The following TLL1 variants were observed in gnomAD, a reference collection of about 807,000 sequenced individuals.
The protein encoded by TLL1 is tolloid like 1, also known as tolloid-like protein 1.
TLL1 carries 49 observed loss-of-function variants against 128.2 expected under a neutral mutation model. The ratio of observed to expected loss-of-function variants is 0.38; its 90% CI spans 0.30 to 0.48. The LOEUF (loss-of-function observed/expected upper bound fraction) is 0.48. Among genes scored for constraint, TLL1 ranks in the 20% least tolerant of loss-of-function variants. The pLI, the probability that TLL1 is intolerant of heterozygous loss-of-function variation, is 0.96. For missense variants in TLL1, 1,123 were observed against 1,242.0 expected (o/e 0.90, Z 1.44); for synonymous variants, 454 against 418.8 (o/e 1.08, Z -1.03).
intron 1 of TLL1, among the ~76,000 whole-genome samples, chr4:165,922,800 A>G (rs1231447365): frequency 6.6e-6 from 1 of 152,218 alleles, no homozygotes; most frequent in African/African-American, 2.4e-5. Context: ...ATATGTATGT[A>G]AACACTGGAA....
At chr4:165,961,924 T>C (rs563686900) in intron 1 of TLL1, among the ~76,000 whole-genome samples, 5 of 152,010 alleles carry the variant, frequency 3.3e-5, no homozygotes, top group Non-Finnish European at 7.4e-5. Context: ...CCCTTCAGGA[T>C]AAAAACCCTC....
Position 166,063,220 on chromosome 4 carries a change from G to A in TLL1, c.2008-2463G>A, listed in dbSNP as rs377564990. ...CTTCTCAAAGGAAGACATTTATGCA[G>A]CCAACAGACACATGAAAAAATGCTC... On this transcript the variant is annotated intron_variant, in intron 15 of 20. Coordinates refer to ENST00000061240, the MANE Select transcript of TLL1 (RefSeq NM_012464.5). 1.5e-3 allele frequency among the ~76,000 whole-genome samples: 230 copies of A among 152,268 alleles called. 1 individual carries two copies. The highest frequency in any genetic ancestry group is 2.4e-3 in the Non-Finnish European group (163 of 68,018).
intron 1 of TLL1, among the ~76,000 whole-genome samples, chr4:165,962,987 G>A (rs999236344): frequency 6.1e-5 from 9 of 148,502 alleles, no homozygotes; most frequent in South Asian, 4.2e-4. Context: ...CCGAGGAGGC[G>A]GAGGTTATAG....
chr4:166,009,861 T>C (rs1737606007), intron 7 of TLL1, among the ~76,000 whole-genome samples: 1 of 151,406 alleles, frequency 6.6e-6, no homozygotes, highest in Non-Finnish European at 1.5e-5. Context: ...GTCCTAACCA[T>C]TTTAGGCATA....
chr4:165,897,265 C>T (rs969323184), intron 1 of TLL1, among the ~76,000 whole-genome samples: 2 of 152,092 alleles, frequency 1.3e-5, no homozygotes, highest in Admixed American at 1.3e-4. Context: ...CTTTTGTTGC[C>T]ATTGCTTTTG....
intron 1 of TLL1, among the ~76,000 whole-genome samples, chr4:165,914,729 T>C (rs530572232): frequency 6.6e-6 from 1 of 152,188 alleles, no homozygotes; most frequent in Non-Finnish European, 1.5e-5. Context: ...TTGTCACAAC[T>C]GAGGACCCTG....
intron 5 of TLL1, among the ~76,000 whole-genome samples, chr4:165,998,871 G>A (rs1014448336): frequency 3.9e-5 from 6 of 152,034 alleles, no homozygotes; most frequent in Non-Finnish European, 7.4e-5. Context: ...AACATACTAA[G>A]TTTTGGGAAT....
intron 5 of TLL1, among the ~76,000 whole-genome samples, chr4:165,996,114 C>T (rs1736863616): frequency 6.6e-6 from 1 of 152,086 alleles, no homozygotes. Flanking sequence ...AAATCTTTCA[C>T]ATCTTTCATT....
At chr4:166,059,019 C>A (rs1192464826) in intron 14 of TLL1, among the ~76,000 whole-genome samples, 1 of 151,998 alleles carries the variant, frequency 6.6e-6, no homozygotes, top group African/African-American at 2.4e-5. Flanking sequence ...ATAAAAAAGA[C>A]CTAGTAATGA....
intron 12 of TLL1, among the ~76,000 whole-genome samples, chr4:166,054,122 ATT>A (rs1739889220): frequency 1.3e-5 from 2 of 152,090 alleles, no homozygotes; most frequent in East Asian, 3.9e-4. Context: ...GTTTCCCCTG[ATT>A]ATCTGGGCTG....
rs1267530789 is a variant in TLL1 at position 165,925,058 on chromosome 4, ACT to A, written c.169+50987_169+50988del. 4.6e-5 allele frequency among the ~76,000 whole-genome samples: 7 copies of A among 152,320 alleles called. No individual in the cohort carries two copies. In the East Asian group the frequency reaches 1.4e-3, roughly 29 times the overall value. On this transcript the variant is annotated intron_variant, in intron 1 of 20. Transcript: ENST00000061240. ...CTGCTCATTGGCAATGTAGCTTGTC[ACT>A]CAAGAGTTCCAAAAGAAATGTCCAT...
At chr4:166,042,875 C>G (rs530153374) in intron 11 of TLL1, among the ~76,000 whole-genome samples, 41 of 152,264 alleles carry the variant, frequency 2.7e-4, no homozygotes, top group African/African-American at 9.4e-4. Context: ...GCCAGAGACC[C>G]AGTGAGTTCT....
chr4:166,077,515 T>A (rs1408507017), intron 17 of TLL1, among the ~76,000 whole-genome samples: 1 of 152,160 alleles, frequency 6.6e-6, no homozygotes, highest in Non-Finnish European at 1.5e-5. Context: ...AGGAAAAAAA[T>A]TGAAAATGGC....
At chr4:166,029,514 A>G (rs372609776) in intron 9 of TLL1, among the ~76,000 whole-genome samples, 26 of 152,044 alleles carry the variant, frequency 1.7e-4, no homozygotes, top group East Asian at 5.8e-4. Context: ...TTATTGTGGT[A>G]AAAACTACAT....
chr4:165,894,904 A>G (rs1731601522), intron 1 of TLL1, among the ~76,000 whole-genome samples: 1 of 151,430 alleles, frequency 6.6e-6, no homozygotes, highest in African/African-American at 2.4e-5. Flanking sequence ...AACAGTTTAA[A>G]TGTAAAATGT....
intron 5 of TLL1, among the ~76,000 whole-genome samples, chr4:166,002,940 A>C (rs567934022): frequency 6.6e-6 from 1 of 152,298 alleles, no homozygotes; most frequent in African/African-American, 2.4e-5. Context: ...ATATTGAATT[A>C]TTGTCAGATA....
At chr4:165,980,313 G>A (rs1579576980) in intron 1 of TLL1, among the ~76,000 whole-genome samples, 1 of 151,844 alleles carries the variant, frequency 6.6e-6, no homozygotes, top group African/African-American at 2.4e-5. Flanking sequence ...CAGGAACATG[G>A]GCAAGACCAA....
intron 1 of TLL1, among the ~76,000 whole-genome samples, chr4:165,875,908 GAA>G (rs67494792): frequency 5.5e-5 from 8 of 146,256 alleles, no homozygotes; most frequent in African/African-American, 2.0e-4. Context: ...TCTAGGCAAG[GAA>G]AAAAAAAAAC....
chr4:166,052,965 G>GTGTGTGTGTGTGTGTA, intron 12 of TLL1, among the ~76,000 whole-genome samples: 7 of 99,634 alleles, frequency 7.0e-5, no homozygotes, highest in African/African-American at 2.7e-4. Flanking sequence ...GAGGTTATGT[G>GTGTGTGTGTGTGTGTA]TATATATATA....
Sources: gnomAD v4.1 joint callset for allele counts (sites outside exome capture counted in the v4.1 genomes callset) on GRCh38, gnomAD v4.1.1 for gene constraint, MANE v1.5 for transcripts, NCBI Gene and HGNC (gene_info 2026-07-23, HGNC 2026-07-21) for gene names.